The following KIF2A variants were observed in gnomAD, a reference collection of about 807,000 sequenced individuals.
The protein encoded by KIF2A is kinesin family member 2A.
Under a neutral mutation model 100.2 loss-of-function variants are expected in KIF2A, and 22 were observed. That is an observed-to-expected ratio of 0.22 (90% CI 0.16 to 0.31). The LOEUF (loss-of-function observed/expected upper bound fraction) is 0.31. Among genes scored for constraint, KIF2A ranks in the 10% least tolerant of loss-of-function variants. The probability of loss-of-function intolerance (pLI) is 1.00; values close to 1 mark genes in which losing one functional copy is unlikely to be tolerated. For missense variants in KIF2A, 495 were observed against 898.7 expected, an observed-to-expected ratio of 0.55 and a Z score of 5.74; for synonymous variants, 268 against 285.9, an observed-to-expected ratio of 0.94 and a Z score of 0.63.
intron 15 of KIF2A, among the ~76,000 whole-genome samples, 161 bp downstream of exon 15, chr5:62,365,514 G>A (rs1319831324): frequency 6.6e-6 from 1 of 152,164 alleles, no homozygotes; most frequent in African/African-American, 2.4e-5. Context: ...CTGATAGAGA[G>A]GATTATATTG....
rs982416345 is a variant in KIF2A at position 62,381,221 on chromosome 5, A to G, written c.2117A>G (p.Glu706Gly). The G allele has an allele frequency of 1.9e-6, 3 of 1,612,360 alleles. No homozygotes were observed. The highest frequency in any genetic ancestry group is 1.1e-5 in the South Asian group (1 of 91,008). The change falls in exon 20 of 21, where the codon GAG becomes GGG. Residue 706 changes from glutamate (E) to glycine (G), a missense_variant. By Grantham distance (98) the Glu-to-Gly change is moderately conservative. Transcript: ENST00000407818. ...SYATQLEAIL[E>G]QKIDILTELR... is the part of the protein sequence containing the mutation. ...GCTACACAACTTGAAGCTATTCTTGAGCAAAAAATAGACATTTTAACTGAA... is the reference window on the plus strand; with the variant it reads ...GCTACACAACTTGAAGCTATTCTTGGGCAAAAAATAGACATTTTAACTGAA...
At chr5:62,329,467 T>C (rs949529069) in intron 1 of KIF2A, among the ~76,000 whole-genome samples, 18 of 152,238 alleles carry the variant, frequency 1.2e-4, no homozygotes, top group African/African-American at 4.3e-4. Flanking sequence ...TGAATTCTGC[T>C]GCTGATCTGC....
At chr5:62,364,294 C>G (rs139158651) in intron 14 of KIF2A, among the ~76,000 whole-genome samples, 1 of 151,970 alleles carries the variant, frequency 6.6e-6, no homozygotes, top group South Asian at 2.1e-4. Flanking sequence ...ATTACAGGCA[C>G]GCACCACCAC....
rs558794210 is a variant in KIF2A at position 62,388,030 on chromosome 5, T to G, written c.*2461T>G. 3.3e-5 allele frequency: 5 copies of G among 152,212 alleles called. No homozygotes were observed. The highest frequency in any genetic ancestry group is 1.2e-4 in the African/African-American group (5 of 41,560). The allele number at this position is 152,212 out of a possible 1,614,324, so 9.4% of individuals were successfully genotyped here. On this transcript the variant is annotated 3_prime_UTR_variant, in exon 21 of 21. Transcript: ENST00000407818. Reference sequence around the variant, plus strand: ...CTCTATTATAGTATATTAACAGCACTTAGTATTATATTGACTTAAACATAG... The same window carrying G: ...CTCTATTATAGTATATTAACAGCACGTAGTATTATATTGACTTAAACATAG...
At chr5:62,314,868 T>G (rs1402943209) in intron 1 of KIF2A, among the ~76,000 whole-genome samples, 1 of 150,926 alleles carries the variant, frequency 6.6e-6, no homozygotes, top group African/African-American at 2.4e-5. Flanking sequence ...GTTCAAGTGA[T>G]TCTCCTGCCT....
At chr5:62,317,457 A>G (rs1745873475) in intron 1 of KIF2A, among the ~76,000 whole-genome samples, 1 of 152,214 alleles carries the variant, frequency 6.6e-6, no homozygotes, top group Non-Finnish European at 1.5e-5. Context: ...TGTTGGTCAA[A>G]ACTTGCCTAT....
intron 1 of KIF2A, among the ~76,000 whole-genome samples, chr5:62,335,395 C>T (rs966555774): frequency 6.6e-6 from 1 of 152,218 alleles, no homozygotes; most frequent in African/African-American, 2.4e-5. Context: ...CATTTCCTCC[C>T]TTACCCCAGC....
chr5:62,384,249 A>C (rs972343347), intron 20 of KIF2A, among the ~76,000 whole-genome samples: 1 of 152,068 alleles, frequency 6.6e-6, no homozygotes, highest in Non-Finnish European at 1.5e-5. Context: ...ACTCCATCTC[A>C]AAAAAAACAG....
chr5:62,366,567 C>T, intron 16 of KIF2A, 86 bp downstream of exon 16: 3 of 811,692 alleles, frequency 3.7e-6, no homozygotes, highest in Non-Finnish European at 6.0e-6. Context: ...TGCGGTGGCT[C>T]ACGCCTGTAA....
Position 62,390,993 on chromosome 5 carries a change from A to G in KIF2A, c.*5424A>G. ...ATCTTCTGGTATTATCTATCAATAT[A>G]AGATTCAGAATAAATGAACGACATA... On this transcript the variant is annotated 3_prime_UTR_variant, in exon 21 of 21. Coordinates refer to ENST00000407818, the MANE Select transcript of KIF2A (RefSeq NM_001098511.3). The G allele has an allele frequency of 6.2e-7, 1 of 1,605,328 alleles. No individual in the cohort carries two copies. The highest frequency in any genetic ancestry group is 1.1e-5 in the South Asian group (1 of 90,896).
intron 16 of KIF2A, among the ~76,000 whole-genome samples, chr5:62,368,613 TA>T (rs1247738935): frequency 7.9e-5 from 12 of 151,876 alleles, no homozygotes; most frequent in Non-Finnish European, 1.6e-4. Context: ...CCCGTCTCTA[TA>T]AAAAATACAA....
In KIF2A at chr5:62,390,320, T is replaced by C. The variant is rs1742245277; in HGVS notation, c.*4751T>C. Among the ~76,000 whole-genome samples, 1 of 152,198 alleles carries C rather than the reference T, an allele frequency of 6.6e-6. No individual in the cohort carries two copies. Among genetic ancestry groups the C allele is most frequent in the African/African-American group, 2.4e-5 (1 of 41,458 alleles). ...CAAGCAAAACAAATTTTGGTCTAAA[T>C]TACCTAGATAATTATGACAGCTTTT... On this transcript the variant is annotated 3_prime_UTR_variant, in exon 21 of 21. Transcript: ENST00000407818.
chr5:62,363,165 T>C lies in KIF2A; in HGVS notation c.1120-13T>C, dbSNP rs745393834. The stretch of plus-strand genomic sequence containing the variant: ...TAAAGCTAGTTTTCTAATTTGAATA[T>C]GGTTTTTCATAGGTGTTTGACTTGC... On this transcript the variant is annotated splice_polypyrimidine_tract_variant and intron_variant, in intron 12 of 20. Coordinates refer to ENST00000407818, the MANE Select transcript of KIF2A (RefSeq NM_001098511.3). The C allele has an allele frequency of 2.5e-6, 4 of 1,588,110 alleles. No individual in the cohort carries two copies. Among genetic ancestry groups the C allele is most frequent in the Non-Finnish European group, 3.4e-6 (4 of 1,166,580 alleles).
At chr5:62,308,386 C>T in intron 1 of KIF2A, 2 of 1,460,142 alleles carry the variant, frequency 1.4e-6, no homozygotes, top group Non-Finnish European at 1.8e-6. Context: ...ACAGCAACAC[C>T]TGTCCCTGGT....
intron 18 of KIF2A, among the ~76,000 whole-genome samples, chr5:62,374,407 C>T (rs1741451022): frequency 6.6e-6 from 1 of 152,102 alleles, no homozygotes; most frequent in Non-Finnish European, 1.5e-5. Context: ...TATTATCTGG[C>T]CCTTTAAGGA....
At chr5:62,349,181 C>T (rs1276450131) in intron 3 of KIF2A, among the ~76,000 whole-genome samples, 1 of 151,870 alleles carries the variant, frequency 6.6e-6, no homozygotes. Flanking sequence ...CCTGGTATAT[C>T]ATTAGCAACC....
intron 1 of KIF2A, among the ~76,000 whole-genome samples, chr5:62,329,109 T>A (rs1746516137): frequency 6.6e-6 from 1 of 152,234 alleles, no homozygotes; most frequent in South Asian, 2.1e-4. Flanking sequence ...CTTAGCTATA[T>A]CATTTTCTTT....
intron 1 of KIF2A, among the ~76,000 whole-genome samples, chr5:62,319,685 C>T (rs1746006938): frequency 6.6e-6 from 1 of 152,200 alleles, no homozygotes. Context: ...TCCAGCTTCT[C>T]TTTCACTGCT....
intron 18 of KIF2A, among the ~76,000 whole-genome samples, chr5:62,374,858 T>G (rs540735863): frequency 2.0e-5 from 3 of 152,000 alleles, no homozygotes; most frequent in Admixed American, 2.0e-4. Context: ...AACTGGGAGG[T>G]GGAGGTTGCA....
Sources: allele counts gnomAD v4.1 joint callset (sites outside exome capture counted in the v4.1 genomes callset), GRCh38; gene constraint gnomAD v4.1.1; transcripts MANE v1.5; gene names NCBI Gene and HGNC (gene_info 2026-07-23, HGNC 2026-07-21).